The following SAP30BP variants were observed in gnomAD, a reference collection of about 807,000 sequenced individuals.
SAP30BP encodes the protein SAP30 binding protein.
A neutral mutation model predicts 46.3 loss-of-function variants in SAP30BP; 31 were observed. That is an observed-to-expected ratio of 0.67 (90% CI 0.50 to 0.90). The LOEUF (loss-of-function observed/expected upper bound fraction) is 0.90, where lower values mean the gene tolerates loss of function less well. Ranked by LOEUF, SAP30BP falls within the 40% of genes least tolerant of loss-of-function variation. The probability of loss-of-function intolerance (pLI) is 0.00; values close to 1 mark genes in which losing one functional copy is unlikely to be tolerated. For missense variants in SAP30BP, 312 were observed against 391.0 expected (o/e 0.80, Z 1.70); for synonymous variants, 169 against 144.2 (o/e 1.17, Z -1.23).
intron 3 of SAP30BP, among the ~76,000 whole-genome samples, chr17:75,681,896 G>C (rs71382178): frequency 6.6e-5 from 10 of 152,086 alleles, no homozygotes; most frequent in African/African-American, 2.4e-4. Flanking sequence ...TATGAGATAG[G>C]AGCCCCGAGT....
At chr17:75,702,715 T>C (rs768660093) in intron 6 of SAP30BP, 144 bp downstream of exon 6, 55 of 508,276 alleles carry the variant, frequency 1.1e-4, no homozygotes, top group Non-Finnish European at 1.6e-4. Context: ...CTGCTGGACA[T>C]GGCGGACTGT....
At chr17:75,699,167 C>T (rs955972492) in intron 4 of SAP30BP, among the ~76,000 whole-genome samples, 2 of 152,078 alleles carry the variant, frequency 1.3e-5, no homozygotes, top group South Asian at 2.1e-4. Flanking sequence ...AGTAAAACCC[C>T]CATCTCTTTG....
intron 3 of SAP30BP, among the ~76,000 whole-genome samples, chr17:75,675,384 C>T (rs1006309819): frequency 6.6e-6 from 1 of 151,520 alleles, no homozygotes; most frequent in Non-Finnish European, 1.5e-5. Flanking sequence ...CTCCTGACCT[C>T]GTTATCTGCC....
chr17:75,682,053 A>T (rs190808754), intron 3 of SAP30BP, among the ~76,000 whole-genome samples: 1 of 151,826 alleles, frequency 6.6e-6, no homozygotes, highest in Admixed American at 6.6e-5. Flanking sequence ...TAATGGACAG[A>T]GTTATTTTTT....
chr17:75,685,486 G>A (rs984149003), intron 3 of SAP30BP, among the ~76,000 whole-genome samples: 7 of 152,082 alleles, frequency 4.6e-5, no homozygotes, highest in Non-Finnish European at 1.5e-5. Context: ...TACCGGTGTC[G>A]ATGATGACCA....
intron 3 of SAP30BP, among the ~76,000 whole-genome samples, chr17:75,678,189 C>T (rs1163001822): frequency 8.6e-5 from 13 of 152,012 alleles, no homozygotes; most frequent in Admixed American, 8.5e-4. Context: ...TAAAATCTGT[C>T]TCATTTATTT....
At chr17:75,675,027 C>T (rs1599101197) in intron 3 of SAP30BP, among the ~76,000 whole-genome samples, 1 of 152,200 alleles carries the variant, frequency 6.6e-6, no homozygotes, top group East Asian at 1.9e-4. Flanking sequence ...AAGTTTCTAA[C>T]AATAGAATAT....
At chr17:75,682,819 C>T (rs2060100410) in intron 3 of SAP30BP, among the ~76,000 whole-genome samples, 2 of 151,282 alleles carry the variant, frequency 1.3e-5, no homozygotes, top group African/African-American at 4.8e-5. Flanking sequence ...AAAAATTAGC[C>T]AGACATGGTG....
In SAP30BP at chr17:75,678,868, G is replaced by A. The variant is rs376190424; in HGVS notation, c.264+7005G>A. 4.2e-4 allele frequency among the ~76,000 whole-genome samples: 64 copies of A among 152,282 alleles called. No homozygotes were observed. The East Asian group carries it at 5.4e-3, about 13-fold the overall frequency. The stretch of plus-strand genomic sequence containing the variant: ...CAGCCTGAGGCAGACCTGAAGCCGC[G>A]CGCAGAATTCCACAGAAGTTTACCT... On this transcript the variant is annotated intron_variant, in intron 3 of 10. Coordinates refer to ENST00000584667, the MANE Select transcript of SAP30BP (RefSeq NM_013260.8).
chr17:75,703,933 C>A, intron 8 of SAP30BP, 74 bp downstream of exon 8: 1 of 1,086,842 alleles, frequency 9.2e-7, no homozygotes, highest in Non-Finnish European at 1.4e-6. Context: ...AGTTGGTTAT[C>A]CAGGTGACAC....
At chr17:75,703,236 C>T (rs1236151674) in intron 6 of SAP30BP, 75 bp from the exon 7 acceptor site, 2 of 1,405,478 alleles carry the variant, frequency 1.4e-6, no homozygotes, top group African/African-American at 1.4e-5. Context: ...TGTGTCAGCC[C>T]CAGGAGCTGG....
chr17:75,698,066 A>G (rs991450758), intron 4 of SAP30BP, among the ~76,000 whole-genome samples: 2 of 150,562 alleles, frequency 1.3e-5, no homozygotes, highest in Non-Finnish European at 2.9e-5. Context: ...CCTTTTCATG[A>G]GAGAGTGTTT....
At chr17:75,674,941 A>G (rs2059968170) in intron 3 of SAP30BP, among the ~76,000 whole-genome samples, 2 of 151,734 alleles carry the variant, frequency 1.3e-5, no homozygotes, top group South Asian at 2.1e-4. Context: ...GGGCTCAAGT[A>G]ATCTGCCCAC....
chr17:75,697,144 A>G (rs1319900995), intron 4 of SAP30BP, among the ~76,000 whole-genome samples: 1 of 152,036 alleles, frequency 6.6e-6, no homozygotes. Context: ...ACAGGGTCAC[A>G]CCCTGTTTTT....
At chr17:75,703,741 G>C (rs934348561) in intron 7 of SAP30BP, 67 bp from the exon 8 acceptor site, 2 of 1,396,950 alleles carry the variant, frequency 1.4e-6, no homozygotes, top group Non-Finnish European at 2.0e-6. Context: ...TCTATGGGAA[G>C]ACTTGGGCCA....
chr17:75,689,180 T>A (rs1432988941), intron 3 of SAP30BP, among the ~76,000 whole-genome samples: 1 of 147,846 alleles, frequency 6.8e-6, no homozygotes, highest in Non-Finnish European at 1.5e-5. Context: ...TTGGAGACAA[T>A]CTTGCTCTTT....
chr17:75,684,922 A>G (rs937231211), intron 3 of SAP30BP: 1 of 152,252 alleles, frequency 6.6e-6, no homozygotes, highest in African/African-American at 2.4e-5. Flanking sequence ...CACTGCTGGT[A>G]GAAGCGCTGG....
At position 75,707,339 on chromosome 17, in the gene SAP30BP, ACC is replaced by A. The variant is rs1033315616; in HGVS notation, c.*820_*821del. ...CTCCTGGGAGGGCTCCTGCCACCCC[ACC>A]CTTCCTCTGTGTGTTATCTCTGCCC... On this transcript the variant is annotated 3_prime_UTR_variant, in exon 11 of 11. Coordinates refer to ENST00000584667, the MANE Select transcript of SAP30BP (RefSeq NM_013260.8). 2 of 152,228 alleles carry A rather than the reference ACC, an allele frequency of 1.3e-5. No individual in the cohort carries two copies. The highest frequency in any genetic ancestry group is 4.8e-5 in the African/African-American group (2 of 41,282). The allele number at this position is 152,228 out of a possible 1,614,324, so 9.4% of individuals were successfully genotyped here.
chr17:75,693,640 C>A (rs2060272193), intron 4 of SAP30BP, among the ~76,000 whole-genome samples, 158 bp downstream of exon 4: 1 of 152,144 alleles, frequency 6.6e-6, no homozygotes, highest in African/African-American at 2.4e-5. Context: ...TCCTAGGATG[C>A]CCGGGTGAGA....
Sources: gnomAD v4.1 joint callset for allele counts (sites outside exome capture counted in the v4.1 genomes callset) on GRCh38, gnomAD v4.1.1 for gene constraint, MANE v1.5 for transcripts, NCBI Gene and HGNC (gene_info 2026-07-23, HGNC 2026-07-21) for gene names.